Variants in TRIM23 observed in about 807,000 individuals in gnomAD.
TRIM23 encodes tripartite motif containing 23.
In TRIM23, 27 loss-of-function variants were observed where a neutral mutation model predicts 71.0. The ratio of observed to expected loss-of-function variants is 0.38; its 90% CI spans 0.28 to 0.52. The LOEUF (loss-of-function observed/expected upper bound fraction) is 0.52. Ranked by LOEUF, TRIM23 falls within the 20% of genes least tolerant of loss-of-function variation. The probability of loss-of-function intolerance (pLI) is 0.84; values close to 1 mark genes in which losing one functional copy is unlikely to be tolerated. For missense variants in TRIM23, 482 were observed against 692.3 expected (o/e 0.70, Z 3.41); for synonymous variants, 234 against 238.0 (o/e 0.98, Z 0.16).
intron 6 of TRIM23, among the ~76,000 whole-genome samples, chr5:65,605,911 T>C (rs1754484343): frequency 6.6e-6 from 1 of 152,198 alleles, no homozygotes; most frequent in Non-Finnish European, 1.5e-5. Flanking sequence ...CTACGTACAA[T>C]CTGTTAACAA....
intron 1 of TRIM23, among the ~76,000 whole-genome samples, chr5:65,620,642 G>A (rs1754907804): frequency 6.6e-6 from 1 of 151,942 alleles, no homozygotes; most frequent in South Asian, 2.1e-4. Flanking sequence ...TAGGACACCA[G>A]TAACATTGGA....
chr5:65,607,498 A>T (rs1754540180), intron 6 of TRIM23, among the ~76,000 whole-genome samples: 1 of 152,144 alleles, frequency 6.6e-6, no homozygotes, highest in South Asian at 2.1e-4. Context: ...GCCGTCCTGT[A>T]AACAAGGTGC....
At chr5:65,609,721 C>G (rs1362531017) in intron 5 of TRIM23, among the ~76,000 whole-genome samples, 1 of 152,154 alleles carries the variant, frequency 6.6e-6, no homozygotes, top group African/African-American at 2.4e-5. Flanking sequence ...CCGAGCGAGA[C>G]ATTGTTTAAA....
At chr5:65,613,290 A>G (rs1754698007) in intron 3 of TRIM23, among the ~76,000 whole-genome samples, 1 of 152,234 alleles carries the variant, frequency 6.6e-6, no homozygotes, top group Non-Finnish European at 1.5e-5. Context: ...AACTTTTAGA[A>G]AACAGAGTGT....
chr5:65,597,501 T>G (rs1490336982), intron 7 of TRIM23, among the ~76,000 whole-genome samples: 1 of 152,150 alleles, frequency 6.6e-6, no homozygotes, highest in Non-Finnish European at 1.5e-5. Flanking sequence ...TAAGGGTAAA[T>G]CAATTAAAAT....
Position 65,618,185 on chromosome 5 carries a change from C to CAAAGCA in TRIM23, c.146_151dup (p.Leu49_Leu50dup). On this transcript the variant is annotated inframe_insertion, in exon 2 of 11. Coordinates refer to ENST00000231524, the MANE Select transcript of TRIM23 (RefSeq NM_001656.4). ...ACAGTCATGACAGACGGTATGGCCA[C>CAAAGCA]AAAGCAAAAGACGGGGAACTTTGTC... 6.2e-7 allele frequency: 1 copy of CAAAGCA among 1,613,998 alleles called. No homozygotes were observed. Among genetic ancestry groups the CAAAGCA allele is most frequent in the Non-Finnish European group, 8.5e-7 (1 of 1,179,962 alleles).
At position 65,609,383 on chromosome 5, in the gene TRIM23, G is replaced by C. The variant is rs757395931; in HGVS notation, c.904C>G (p.Gln302Glu). ...ACAACACTTAGAGCCATTTCTTCTT[G>C]ACGACACAGAGTTTCATGTAGATCA... ...FYDLHETLCR[Q>E]EEMALSVVDA... Residue 302 changes from glutamine to glutamate, a missense_variant, in exon 6 of 11, where the codon CAA (glutamine) becomes GAA (glutamate). Physicochemically the swap from Gln to Glu is conservative, Grantham distance 29. Coordinates refer to ENST00000231524, the MANE Select transcript of TRIM23 (RefSeq NM_001656.4). 1 of 1,614,066 alleles carries C rather than the reference G, an allele frequency of 6.2e-7. No homozygotes were observed. Among genetic ancestry groups the C allele is most frequent in the Non-Finnish European group, 8.5e-7 (1 of 1,180,026 alleles).
At chr5:65,600,610 C>T (rs972745164) in intron 7 of TRIM23, among the ~76,000 whole-genome samples, 8 of 118,226 alleles carry the variant, frequency 6.8e-5, no homozygotes, top group Non-Finnish European at 1.4e-4. Flanking sequence ...CAGGGATACA[C>T]GAAAAGCACA....
chr5:65,611,093 A>T, intron 4 of TRIM23, 50 bp from the exon 5 acceptor site: 1 of 1,472,896 alleles, frequency 6.8e-7, no homozygotes, highest in Middle Eastern at 1.7e-4. Context: ...ATTGACTAAT[A>T]ATATAAAAAA....
chr5:65,601,509 A>G (rs154862), intron 7 of TRIM23, among the ~76,000 whole-genome samples: 1,888 of 152,262 alleles, frequency 0.012, 20 homozygotes, highest in East Asian at 0.047. Flanking sequence ...CTTAATCACT[A>G]TCACAAGAAT....
rs144395107 is a variant in TRIM23 at position 65,610,924 on chromosome 5, C to T, written c.765G>A (p.Val255=). 1.1e-5 allele frequency: 18 copies of T among 1,613,720 alleles called. No individual in the cohort carries two copies. The highest frequency in any genetic ancestry group is 1.4e-5 in the Non-Finnish European group (17 of 1,179,894). The change falls in exon 5 of 11, where the codon GTG becomes GTA. Residue 255 remains valine (V), a synonymous_variant. Coordinates refer to ENST00000231524, the MANE Select transcript of TRIM23 (RefSeq NM_001656.4). ...TTTGTTCTCCTCCTTCAATGTGCTG[C>T]ACAATTCCAACTAATTTTCTGGAAT... ...SDYSRKLVGI[V]QHIEGGEQIV...
Position 65,591,755 on chromosome 5 carries a change from T to C in TRIM23, c.*14A>G, listed in dbSNP as rs1183088697. ...TTTTAACCACAAAACTTCAAACAACTGCTGCCTTTAAAATCAAGCAACATC... is the reference window on the plus strand; with the variant it reads ...TTTTAACCACAAAACTTCAAACAACCGCTGCCTTTAAAATCAAGCAACATC... On this transcript the variant is annotated 3_prime_UTR_variant, in exon 11 of 11. Transcript: ENST00000231524. 6.3e-7 allele frequency: 1 copy of C among 1,595,996 alleles called. No homozygotes were observed. The highest frequency in any genetic ancestry group is 1.7e-5 in the Admixed American group (1 of 59,516).
Position 65,590,972 on chromosome 5 carries a change from T to G in TRIM23, c.*797A>C. 1 of 984,848 alleles carries G rather than the reference T, an allele frequency of 1.0e-6. No individual in the cohort carries two copies. Among genetic ancestry groups the G allele is most frequent in the Middle Eastern group, 5.2e-4 (1 of 1,914 alleles). The allele number at this position is 984,848 out of a possible 1,614,324, so 61.0% of individuals were successfully genotyped here. A position where few individuals can be genotyped will look rare whatever the true frequency, so the allele number is the denominator to read the frequency against. ...ATTAGAAAGAAATATTACTTTAAAT[T>G]TGTTGAAAAATAGAAGGACCAATTT... On this transcript the variant is annotated 3_prime_UTR_variant, in exon 11 of 11. Coordinates refer to ENST00000231524, the MANE Select transcript of TRIM23 (RefSeq NM_001656.4).
chr5:65,620,967 T>C (rs987592941), intron 1 of TRIM23, among the ~76,000 whole-genome samples: 18 of 151,934 alleles, frequency 1.2e-4, no homozygotes, highest in African/African-American at 4.4e-4. Context: ...GAGGTCGAGG[T>C]TGCTATGAGC....
intron 6 of TRIM23, among the ~76,000 whole-genome samples, chr5:65,605,923 T>C (rs114589839): frequency 6.6e-6 from 1 of 152,328 alleles, no homozygotes; most frequent in Non-Finnish European, 1.5e-5. Context: ...TGTTAACAAA[T>C]CCTTTTGAAC....
Position 65,610,949 on chromosome 5 carries a change from T to A in TRIM23, c.740A>T (p.Tyr247Phe), listed in dbSNP as rs1754634246. 2 of 1,613,802 alleles carry A rather than the reference T, an allele frequency of 1.2e-6. No individual in the cohort carries two copies. The highest frequency in any genetic ancestry group is 2.7e-5 in the African/African-American group (2 of 74,932). ...CACAATTCCAACTAATTTTCTGGAA[T>A]AATCTGAGATTTCCTCTGTGAAGGT... ...IRTFTEEISDYSRKLVGIVQH... is the reference protein window; with the variant it reads ...IRTFTEEISDFSRKLVGIVQH... Residue 247 changes from tyrosine to phenylalanine, a missense_variant, in exon 5 of 11, where the codon TAT (tyrosine) becomes TTT (phenylalanine). Coordinates refer to ENST00000231524, the MANE Select transcript of TRIM23 (RefSeq NM_001656.4).
chr5:65,607,387 T>C (rs1226878582), intron 6 of TRIM23, among the ~76,000 whole-genome samples: 5 of 152,288 alleles, frequency 3.3e-5, no homozygotes, highest in South Asian at 4.1e-4. Flanking sequence ...GATTGGATTA[T>C]TGGGGCAGTT....
chr5:65,600,263 C>G (rs1561743299), intron 7 of TRIM23, among the ~76,000 whole-genome samples: 1 of 152,098 alleles, frequency 6.6e-6, no homozygotes, highest in Non-Finnish European at 1.5e-5. Context: ...GAACATAGAT[C>G]CAAGCCATAT....
chr5:65,606,124 T>C (rs1754491308), intron 6 of TRIM23, among the ~76,000 whole-genome samples: 2 of 152,172 alleles, frequency 1.3e-5, no homozygotes, highest in South Asian at 4.1e-4. Flanking sequence ...CTCAAAACTC[T>C]ACAATGGTCC....
Sources: allele counts gnomAD v4.1 joint callset (sites outside exome capture counted in the v4.1 genomes callset), GRCh38; gene constraint gnomAD v4.1.1; transcripts MANE v1.5; gene names NCBI Gene and HGNC (gene_info 2026-07-23, HGNC 2026-07-21).